ANKRD28: variants seen among roughly 807,000 people sequenced by gnomAD.
ANKRD28 encodes ankyrin repeat domain 28.
Under a neutral mutation model 126.5 loss-of-function variants are expected in ANKRD28, and 44 were observed. That is an observed-to-expected ratio of 0.35 (90% CI 0.27 to 0.45). The LOEUF is 0.45. Among genes scored for constraint, ANKRD28 ranks in the 20% least tolerant of loss-of-function variants. The pLI, the probability that ANKRD28 is intolerant of heterozygous loss-of-function variation, is 1.00. For missense variants in ANKRD28, 1,110 were observed against 1,316.6 expected (o/e 0.84, Z 2.43); for synonymous variants, 442 against 468.5 (o/e 0.94, Z 0.73).
At position 15,805,051 on chromosome 3, in the gene ANKRD28, G is replaced by T. The variant is rs151138670; in HGVS notation, c.28-9745C>A. ...GTACTTACGAAAACAGAGTTTCACTGACTTTTCCAAGTAAGTGTAGATTCA... is the reference window on the plus strand; with the variant it reads ...GTACTTACGAAAACAGAGTTTCACTTACTTTTCCAAGTAAGTGTAGATTCA... On this transcript the variant is annotated intron_variant, in intron 1 of 27. Coordinates refer to the ANKRD28 transcript ENST00000399451. Among the ~76,000 whole-genome samples, 27 of 145,534 alleles carry T rather than the reference G, an allele frequency of 1.9e-4. 3 individuals carry two copies. The highest frequency in any genetic ancestry group is 3.4e-3 in the Middle Eastern group (1 of 292).
chr3:15,809,969 C>T (rs2060676082), intron 1 of ANKRD28, among the ~76,000 whole-genome samples: 1 of 152,090 alleles, frequency 6.6e-6, no homozygotes, highest in South Asian at 2.1e-4. Flanking sequence ...CATCCCCCTC[C>T]CACCTCCTCA....
chr3:15,686,573 C>G, intron 18 of ANKRD28: 2 of 454,634 alleles, frequency 4.4e-6, no homozygotes, highest in South Asian at 4.5e-5. Context: ...TAAAAGAATG[C>G]TCATTTTATT....
intron 1 of ANKRD28, among the ~76,000 whole-genome samples, chr3:15,809,487 A>G (rs745498838): frequency 1.3e-5 from 2 of 152,188 alleles, no homozygotes; most frequent in Non-Finnish European, 2.9e-5. Flanking sequence ...GACTGAAACT[A>G]GACAATGTCT....
chr3:15,749,914 C>T (rs746195075), intron 4 of ANKRD28, among the ~76,000 whole-genome samples: 5 of 152,146 alleles, frequency 3.3e-5, no homozygotes, highest in Non-Finnish European at 7.4e-5. Flanking sequence ...GGGAGTGAAG[C>T]GGACTCTGAG....
intron 17 of ANKRD28, among the ~76,000 whole-genome samples, chr3:15,692,095 G>A (rs1475210258): frequency 6.8e-6 from 1 of 147,956 alleles, no homozygotes; most frequent in Non-Finnish European, 1.5e-5. Flanking sequence ...AGCTGGGAAT[G>A]CACCACTGCA....
intron 1 of ANKRD28, among the ~76,000 whole-genome samples, chr3:15,858,779 T>C (rs2061829181): frequency 6.6e-6 from 1 of 152,182 alleles, no homozygotes; most frequent in Non-Finnish European, 1.5e-5. Flanking sequence ...ACAAAGTAGT[T>C]TTTCAGTTCC....
At chr3:15,781,096 A>G (rs917176196) in intron 2 of ANKRD28, among the ~76,000 whole-genome samples, 1 of 146,190 alleles carries the variant, frequency 6.8e-6, no homozygotes. Context: ...TTTTGCACAG[A>G]AAAAAAAAAA....
At chr3:15,723,706 G>C (rs764604109) in intron 7 of ANKRD28, among the ~76,000 whole-genome samples, 3 of 152,166 alleles carry the variant, frequency 2.0e-5, no homozygotes, top group Non-Finnish European at 4.4e-5. Context: ...AGGAGTTCAA[G>C]GTTGCAGTGA....
At chr3:15,680,744 C>T (rs2067454143) in intron 21 of ANKRD28, among the ~76,000 whole-genome samples, 2 of 151,698 alleles carry the variant, frequency 1.3e-5, no homozygotes, top group African/African-American at 2.4e-5. Flanking sequence ...TGACTCTCTG[C>T]AGTCTCAACC....
At chr3:15,765,581 C>T (rs2058698036) in intron 3 of ANKRD28, among the ~76,000 whole-genome samples, 1 of 152,142 alleles carries the variant, frequency 6.6e-6, no homozygotes, top group Non-Finnish European at 1.5e-5. Context: ...GTGGCTCACT[C>T]CTGTAATCCC....
intron 1 of ANKRD28, among the ~76,000 whole-genome samples, 188 bp downstream of exon 1, chr3:15,796,212 TATCTC>T (rs935986174): frequency 6.6e-6 from 1 of 152,146 alleles, no homozygotes; most frequent in African/African-American, 2.4e-5. Context: ...ACTGAAATGT[TATCTC>T]AGCATTCAAA....
intron 4 of ANKRD28, among the ~76,000 whole-genome samples, chr3:15,739,915 C>T (rs1381572063): frequency 1.3e-5 from 2 of 152,194 alleles, no homozygotes; most frequent in African/African-American, 4.8e-5. Context: ...TCCACAATTC[C>T]ACAACAGTGA....
At chr3:15,804,632 A>G (rs753715352) in intron 1 of ANKRD28, among the ~76,000 whole-genome samples, 1 of 145,810 alleles carries the variant, frequency 6.9e-6, no homozygotes, top group Non-Finnish European at 1.5e-5. Flanking sequence ...ACAAACATAC[A>G]GAAGCAAAGG....
At chr3:15,766,844 G>C (rs1263326065) in intron 2 of ANKRD28, among the ~76,000 whole-genome samples, 1 of 151,176 alleles carries the variant, frequency 6.6e-6, no homozygotes, top group East Asian at 1.9e-4. Context: ...AAAGATGCTT[G>C]TGCTGCTGAT....
chr3:15,708,469 AAAGGT>A (rs1296121924), intron 13 of ANKRD28, among the ~76,000 whole-genome samples: 11 of 152,174 alleles, frequency 7.2e-5, no homozygotes, highest in East Asian at 3.9e-4. Flanking sequence ...AAGAAGAACA[AAAGGT>A]AAGAGAAAAA....
intron 1 of ANKRD28, among the ~76,000 whole-genome samples, chr3:15,847,449 C>T (rs900254959): frequency 2.0e-5 from 3 of 152,182 alleles, no homozygotes; most frequent in Non-Finnish European, 4.4e-5. Flanking sequence ...TGACCTCATT[C>T]ACTTTAATTA....
intron 1 of ANKRD28, among the ~76,000 whole-genome samples, chr3:15,819,277 CA>C (rs999825487): frequency 6.6e-6 from 1 of 150,914 alleles, no homozygotes; most frequent in African/African-American, 2.4e-5. Flanking sequence ...GACCCTTTCT[CA>C]AAAAAAAGAA....
rs574183597 is a variant in ANKRD28 at position 15,761,166 on chromosome 3, A to G, written c.280+5068T>C. Among the ~76,000 whole-genome samples, 3 of 152,334 alleles carry G rather than the reference A, an allele frequency of 2.0e-5. No individual in the cohort carries two copies. In the East Asian group the frequency reaches 5.8e-4, roughly 29 times the overall value. Reference sequence around the variant, plus strand: ...CTATTGTATGTTCTTATGAAAACATATGACTTTAATGCAATCTTACACGAC... The same window carrying G: ...CTATTGTATGTTCTTATGAAAACATGTGACTTTAATGCAATCTTACACGAC... On this transcript the variant is annotated intron_variant, in intron 3 of 27. Transcript: ENST00000683139.
chr3:15,836,529 G>A (rs1262263047), intron 1 of ANKRD28, among the ~76,000 whole-genome samples: 2 of 152,134 alleles, frequency 1.3e-5, no homozygotes, highest in South Asian at 4.1e-4. Flanking sequence ...ATTAAAAAGA[G>A]AGATTGTTGG....
Sources: allele counts gnomAD v4.1 joint callset (sites outside exome capture counted in the v4.1 genomes callset), GRCh38; gene constraint gnomAD v4.1.1; transcripts MANE v1.5; gene names NCBI Gene and HGNC (gene_info 2026-07-23, HGNC 2026-07-21).